Variants in TMEM123 observed in about 807,000 individuals in gnomAD.
TMEM123 encodes the protein transmembrane protein 123, also known as porimin.
A neutral mutation model predicts 19.7 loss-of-function variants in TMEM123; 16 were observed. The ratio of observed to expected loss-of-function variants is 0.81; its 90% CI spans 0.55 to 1.23. TMEM123 has a LOEUF of 1.23. Among genes scored for constraint, TMEM123 ranks in the 50% most tolerant of loss-of-function variants. The pLI, the probability that TMEM123 is intolerant of heterozygous loss-of-function variation, is 0.00. For synonymous variants in TMEM123, 118 were observed against 99.4 expected (o/e 1.19, Z -1.12); for missense variants, 313 against 257.8 (o/e 1.21, Z -1.47).
chr11:102,396,807 G>C lies in TMEM123; in HGVS notation c.*2060C>G, dbSNP rs1951859752. The C allele has an allele frequency of 6.6e-6, 1 of 152,154 alleles. No individual in the cohort carries two copies. Among genetic ancestry groups the C allele is most frequent in the South Asian group, 2.1e-4 (1 of 4,834 alleles). The allele number at this position is 152,154 out of a possible 1,614,324, so 9.4% of individuals were successfully genotyped here. A position where few individuals can be genotyped will look rare whatever the true frequency, so the allele number is the denominator to read the frequency against. On this transcript the variant is annotated 3_prime_UTR_variant, in exon 5 of 5. Transcript: ENST00000398136. ...ACTAAACTACTTCAAACCCAATGCA[G>C]AGGAAACTTTCAAGGCAAATGATGA...
chr11:102,429,050 C>T (rs979396587), intron 2 of TMEM123, among the ~76,000 whole-genome samples: 3 of 152,126 alleles, frequency 2.0e-5, no homozygotes, highest in African/African-American at 4.8e-5. Flanking sequence ...ATCAGCCTCT[C>T]GCAGGAGTCT....
At chr11:102,400,696 A>C (rs1053912046) in intron 4 of TMEM123, among the ~76,000 whole-genome samples, 40 of 152,200 alleles carry the variant, frequency 2.6e-4, no homozygotes, top group Non-Finnish European at 5.0e-4. Context: ...GAACAGAATT[A>C]ATACCCTTAC....
rs1376628786 is a variant in TMEM123, at chr11:102,396,706, C to CA, written c.*2160dup. On this transcript the variant is annotated 3_prime_UTR_variant, in exon 5 of 5. Transcript: ENST00000398136. ...CCTCAATTTTTATAGATAACAACAACAAAAAAACCTACATTCAAAGTACGG... is the reference window on the plus strand; with the variant it reads ...CCTCAATTTTTATAGATAACAACAACAAAAAAAACCTACATTCAAAGTACGG... 1.3e-5 allele frequency: 2 copies of CA among 151,766 alleles called. No individual in the cohort carries two copies. The highest frequency in any genetic ancestry group is 2.1e-4 in the South Asian group (1 of 4,816). The allele number at this position is 151,766 out of a possible 1,614,324, so 9.4% of individuals were successfully genotyped here. A position where few individuals can be genotyped will look rare whatever the true frequency, so the allele number is the denominator to read the frequency against.
chr11:102,412,680 T>C (rs1952014952), intron 2 of TMEM123, among the ~76,000 whole-genome samples: 1 of 152,034 alleles, frequency 6.6e-6, no homozygotes, highest in African/African-American at 2.4e-5. Flanking sequence ...AGAAAAGACA[T>C]CTCATAAATG....
At chr11:102,399,136 G>A (rs904001816) in intron 4 of TMEM123, among the ~76,000 whole-genome samples, 24 of 152,168 alleles carry the variant, frequency 1.6e-4, no homozygotes, top group Admixed American at 2.0e-4. Flanking sequence ...GCTTCTATTT[G>A]TAAGTCCCTA....
intron 2 of TMEM123, among the ~76,000 whole-genome samples, chr11:102,442,414 T>G (rs1857836912): frequency 1.3e-5 from 2 of 152,114 alleles, no homozygotes; most frequent in Non-Finnish European, 2.9e-5. Flanking sequence ...ATAAACGTAA[T>G]CCAGCATATA....
At position 102,402,174 on chromosome 11, in the gene TMEM123, T is replaced by C. The variant is rs761541706; in HGVS notation, c.190A>G (p.Asn64Asp). Residue 64 changes from asparagine (N) to aspartate (D), a missense_variant, in exon 3 of 5, where the codon AAT becomes GAT. By Grantham distance (23) the Asn-to-Asp change is conservative. Coordinates refer to ENST00000398136, the MANE Select transcript of TMEM123 (RefSeq NM_052932.3). ...TLQHVPSDHT[N>D]ETSNSTVKPP... is the part of the protein sequence containing the mutation. The stretch of plus-strand genomic sequence containing the variant: ...TTCACAGTACTGTTGGAAGTTTCAT[T>C]TGTATGGTCAGAAGGCACATGTTGG... The C allele has an allele frequency of 6.2e-7, 1 of 1,614,116 alleles. No individual in the cohort carries two copies. The highest frequency in any genetic ancestry group is 8.5e-7 in the Non-Finnish European group (1 of 1,180,010).
intron 2 of TMEM123, among the ~76,000 whole-genome samples, chr11:102,415,774 A>G (rs899131156): frequency 1.3e-4 from 20 of 152,196 alleles, no homozygotes; most frequent in African/African-American, 4.8e-4. Flanking sequence ...AACTAGAAAA[A>G]CAAAAGTAAA....
intron 2 of TMEM123, among the ~76,000 whole-genome samples, chr11:102,412,737 T>TA (rs1952015319): frequency 6.6e-6 from 1 of 152,106 alleles, no homozygotes; most frequent in Non-Finnish European, 1.5e-5. Flanking sequence ...ATGAGAAATA[T>TA]ATAAAACAAA....
intron 2 of TMEM123, among the ~76,000 whole-genome samples, chr11:102,423,176 C>T (rs1952100231): frequency 6.6e-6 from 1 of 152,194 alleles, no homozygotes; most frequent in African/African-American, 2.4e-5. Flanking sequence ...TAACACAGTG[C>T]AAACATGCAA....
At chr11:102,444,691 TAATA>T (rs764887990) in intron 2 of TMEM123, among the ~76,000 whole-genome samples, 9 of 150,654 alleles carry the variant, frequency 6.0e-5, no homozygotes, top group Non-Finnish European at 1.0e-4. Flanking sequence ...AGTATAATAA[TAATA>T]AATAAATAAA....
At chr11:102,442,860 A>G (rs1433046767) in intron 2 of TMEM123, among the ~76,000 whole-genome samples, 1 of 152,218 alleles carries the variant, frequency 6.6e-6, no homozygotes, top group Non-Finnish European at 1.5e-5. Flanking sequence ...TCAGGATACA[A>G]AATCAATGTG....
chr11:102,405,310 C>G (rs1272717959), intron 2 of TMEM123, among the ~76,000 whole-genome samples: 6 of 152,106 alleles, frequency 3.9e-5, no homozygotes, highest in Admixed American at 2.6e-4. Flanking sequence ...CCTCAGCCTC[C>G]CAAAGTGCTG....
intron 2 of TMEM123, among the ~76,000 whole-genome samples, chr11:102,427,035 G>C (rs1445180962): frequency 6.6e-6 from 1 of 150,770 alleles, no homozygotes; most frequent in African/African-American, 2.4e-5. Context: ...AGAGAACTCT[G>C]AGATTAAGTT....
intron 2 of TMEM123, among the ~76,000 whole-genome samples, chr11:102,423,410 C>A (rs2135853305): frequency 6.6e-6 from 1 of 152,288 alleles, no homozygotes; most frequent in South Asian, 2.1e-4. Flanking sequence ...AAGTCCACTC[C>A]CTTTTAGGGA....
intron 1 of TMEM123, chr11:102,449,220 G>T: frequency 4.3e-6 from 1 of 232,276 alleles, no homozygotes; most frequent in Non-Finnish European, 8.8e-6. Flanking sequence ...TCTTCTGAGT[G>T]GAGTGGACCA....
At chr11:102,407,252 A>C (rs928003191) in intron 2 of TMEM123, among the ~76,000 whole-genome samples, 1 of 152,232 alleles carries the variant, frequency 6.6e-6, no homozygotes, top group Non-Finnish European at 1.5e-5. Flanking sequence ...GGGCTGGCAG[A>C]AGGGACAAGT....
chr11:102,439,279 C>T (rs1450124043), intron 2 of TMEM123, among the ~76,000 whole-genome samples: 6 of 152,116 alleles, frequency 3.9e-5, no homozygotes, highest in Non-Finnish European at 7.4e-5. Context: ...GATCTGAGAA[C>T]GGACAGACTG....
chr11:102,428,019 A>C (rs1418549660), intron 2 of TMEM123, among the ~76,000 whole-genome samples: 1 of 151,940 alleles, frequency 6.6e-6, no homozygotes, highest in African/African-American at 2.4e-5. Flanking sequence ...ACTTGCTGGA[A>C]GGAAAAATGA....
Sources: allele counts gnomAD v4.1 joint callset (sites outside exome capture counted in the v4.1 genomes callset), GRCh38; gene constraint gnomAD v4.1.1; transcripts MANE v1.5; gene names NCBI Gene and HGNC (gene_info 2026-07-23, HGNC 2026-07-21).